Variants in PLOD2 observed in about 807,000 individuals in gnomAD.
PLOD2 encodes procollagen-lysine,2-oxoglutarate 5-dioxygenase 2.
PLOD2 carries 65 observed loss-of-function variants against 101.0 expected under a neutral mutation model. The ratio of observed to expected loss-of-function variants is 0.64; its 90% confidence interval spans 0.53 to 0.79. The LOEUF (loss-of-function observed/expected upper bound fraction) is 0.79, where lower values mean the gene tolerates loss of function less well. PLOD2 is among the 30% of genes least tolerant of loss of function. The pLI is 0.00. For synonymous variants in PLOD2, 314 were observed against 302.9 expected (o/e 1.04, Z -0.38); for missense variants, 909 against 914.6 (o/e 0.99, Z 0.08).
intron 1 of PLOD2, among the ~76,000 whole-genome samples, chr3:146,155,763 T>C (rs1333357958): frequency 2.0e-5 from 3 of 150,376 alleles, no homozygotes; most frequent in African/African-American, 4.9e-5. Flanking sequence ...TTCTGTTCAG[T>C]TCAGTTTGGG....
chr3:146,124,108 G>T (rs2030388996), intron 2 of PLOD2, 30 bp downstream of exon 2: 1 of 1,104,602 alleles, frequency 9.1e-7, no homozygotes, highest in Non-Finnish European at 1.4e-6. Flanking sequence ...CACATTATAG[G>T]ATCTTCATAG....
Position 146,077,850 on chromosome 3 carries a change from T to TA in PLOD2, c.1563+11dup, listed in dbSNP as rs1347475668. Reference sequence around the variant, plus strand: ...AATAAACAAAAATAAATAAAATAAGTAAAAATAACACCTTTGGGGGGCTGA... The same window carrying TA: ...AATAAACAAAAATAAATAAAATAAGTAAAAAATAACACCTTTGGGGGGCTGA... On this transcript the variant is annotated intron_variant, in intron 14 of 19. Transcript: ENST00000282903. 6.6e-7 allele frequency: 1 copy of TA among 1,515,216 alleles called. No homozygotes were observed. Among genetic ancestry groups the TA allele is most frequent in the South Asian group, 1.2e-5 (1 of 84,250 alleles). The allele number at this position is 1,515,216 out of a possible 1,614,324, so 93.9% of individuals were successfully genotyped here.
At chr3:146,121,346 C>T (rs1340171011) in intron 2 of PLOD2, 98 bp from the exon 3 acceptor site, 10 of 927,866 alleles carry the variant, frequency 1.1e-5, no homozygotes, top group East Asian at 2.4e-5. Context: ...AGTACTGTAC[C>T]GTAACCACTC....
At chr3:146,130,210 C>T (rs1456495227) in intron 1 of PLOD2, among the ~76,000 whole-genome samples, 2 of 152,088 alleles carry the variant, frequency 1.3e-5, no homozygotes, top group African/African-American at 4.8e-5. Context: ...ATCTAATATT[C>T]CTCCCTGACA....
intron 1 of PLOD2, among the ~76,000 whole-genome samples, chr3:146,128,203 G>A (rs563491228): frequency 3.3e-5 from 5 of 152,192 alleles, no homozygotes; most frequent in Non-Finnish European, 7.4e-5. Context: ...GAATGATACA[G>A]TGAGATGACT....
intron 3 of PLOD2, among the ~76,000 whole-genome samples, chr3:146,113,424 G>A (rs9842036): frequency 0.5 from 76,526 of 151,994 alleles, 19,347 homozygotes; most frequent in East Asian, 0.56. Context: ...AATGCACACA[G>A]GTGTTGCGGG....
intron 1 of PLOD2, among the ~76,000 whole-genome samples, chr3:146,139,501 G>T (rs769433966): frequency 6.6e-6 from 1 of 152,048 alleles, no homozygotes; most frequent in African/African-American, 2.4e-5. Context: ...TGCTCACCCC[G>T]GTAGCGTTAT....
At chr3:146,082,208 A>G (rs1260665220) in intron 11 of PLOD2, among the ~76,000 whole-genome samples, 2 of 152,340 alleles carry the variant, frequency 1.3e-5, no homozygotes, top group African/African-American at 4.8e-5. Flanking sequence ...AAGTTTAACT[A>G]AAGTATTTCG....
rs150152681 is a variant in PLOD2, at chr3:146,106,768, T to C, written c.503-124A>G. ...ATGAAGCCTAATTCTTAGGCTGGAA[T>C]TTCACAGCTCACCATGAAAGAAATA... is the stretch of plus-strand genomic sequence containing the variant. On this transcript the variant is annotated intron_variant, in intron 4 of 19. Coordinates refer to ENST00000282903, the MANE Select transcript of PLOD2 (RefSeq NM_182943.3). The C allele has an allele frequency of 3.2e-4, 229 of 719,568 alleles. 1 individual carries two copies. The African/African-American group carries it at 3.5e-3, about 11-fold the overall frequency. The allele number at this position is 719,568 out of a possible 1,614,324, so 44.6% of individuals were successfully genotyped here.
chr3:146,155,072 GAC>G (rs2032234469), intron 1 of PLOD2, among the ~76,000 whole-genome samples: 1 of 152,160 alleles, frequency 6.6e-6, no homozygotes, highest in Admixed American at 6.5e-5. Context: ...GTATCTTTGT[GAC>G]ACAGTCGGGC....
chr3:146,097,007 T>G (rs1299548253), intron 7 of PLOD2, among the ~76,000 whole-genome samples: 2 of 113,690 alleles, frequency 1.8e-5, no homozygotes, highest in African/African-American at 3.5e-5. Context: ...GGTGGGGGGG[T>G]CAGCCCCCCG....
intron 1 of PLOD2, among the ~76,000 whole-genome samples, chr3:146,146,582 G>A (rs753391308): frequency 2.6e-5 from 4 of 152,168 alleles, no homozygotes; most frequent in Admixed American, 6.5e-5. Flanking sequence ...AGCAAAGGCT[G>A]TGGCTGAATT....
chr3:146,147,166 A>C (rs532985795), intron 1 of PLOD2, among the ~76,000 whole-genome samples: 1 of 152,252 alleles, frequency 6.6e-6, no homozygotes. Context: ...ATATTTGCAG[A>C]GAATACTGTA....
intron 3 of PLOD2, among the ~76,000 whole-genome samples, chr3:146,118,331 A>G (rs1170067577): frequency 3.3e-5 from 5 of 152,212 alleles, no homozygotes; most frequent in South Asian, 4.1e-4. Flanking sequence ...TGTGTAAAAT[A>G]TAACAGGAAA....
intron 8 of PLOD2, among the ~76,000 whole-genome samples, chr3:146,090,339 T>C (rs11927032): frequency 0.01 from 1,586 of 151,694 alleles, 33 homozygotes; most frequent in African/African-American, 0.036. Flanking sequence ...ATGGAATGAA[T>C]AGTTTTCCTT....
chr3:146,070,370 T>A lies in PLOD2; in HGVS notation c.*347A>T, dbSNP rs575601006. 5 of 156,896 alleles carry A rather than the reference T, an allele frequency of 3.2e-5. No homozygotes were observed. The highest frequency in any genetic ancestry group is 9.6e-5 in the African/African-American group (4 of 41,698). The allele number at this position is 156,896 out of a possible 1,614,324, so 9.7% of individuals were successfully genotyped here. On this transcript the variant is annotated 3_prime_UTR_variant, in exon 20 of 20. Coordinates refer to ENST00000282903, the MANE Select transcript of PLOD2 (RefSeq NM_182943.3). ...AATAAAAATCTTCCCATGCTTTTTT[T>A]AAATAAGAAAATATTATTAGTCTTG...
intron 1 of PLOD2, among the ~76,000 whole-genome samples, chr3:146,129,050 TA>T (rs1205002487): frequency 4.6e-5 from 7 of 151,174 alleles, no homozygotes; most frequent in Admixed American, 2.0e-4. Context: ...CTGGCAACAA[TA>T]AAAAAAAATT....
At chr3:146,074,626 T>A (rs184042242) in intron 15 of PLOD2, among the ~76,000 whole-genome samples, 5 of 151,520 alleles carry the variant, frequency 3.3e-5, no homozygotes, top group African/African-American at 1.2e-4. Flanking sequence ...TGGCAAGAAA[T>A]TGAATAATCA....
intron 12 of PLOD2, among the ~76,000 whole-genome samples, chr3:146,080,583 C>G (rs368134953): frequency 5.9e-5 from 9 of 152,056 alleles, no homozygotes; most frequent in African/African-American, 1.9e-4. Flanking sequence ...TATTCCAGAT[C>G]AAAAGCTTCT....
Sources: gnomAD v4.1 joint callset for allele counts (sites outside exome capture counted in the v4.1 genomes callset) on GRCh38, gnomAD v4.1.1 for gene constraint, MANE v1.5 for transcripts, NCBI Gene and HGNC (gene_info 2026-07-23, HGNC 2026-07-21) for gene names.